Variants in ERAP1 observed in about 807,000 individuals in gnomAD.
ERAP1 encodes endoplasmic reticulum aminopeptidase 1.
Under a neutral mutation model 103.7 loss-of-function variants are expected in ERAP1, and 86 were observed. The ratio of observed to expected loss-of-function variants is 0.83; its 90% CI spans 0.70 to 0.99. The LOEUF is 0.99. Ranked by LOEUF, ERAP1 falls within the 50% of genes least tolerant of loss-of-function variation. The pLI is 0.00. For synonymous variants in ERAP1, 398 were observed against 402.4 expected, an observed-to-expected ratio of 0.99 and a Z score of 0.13; for missense variants, 1,009 against 1,128.4, an observed-to-expected ratio of 0.89 and a Z score of 1.52.
At position 96,781,246 on chromosome 5, in the gene ERAP1, C is replaced by G. The variant is rs757791422; in HGVS notation, c.2448-48G>C. 7 of 1,574,648 alleles carry G rather than the reference C, an allele frequency of 4.4e-6. 1 individual carries two copies. The highest frequency in any genetic ancestry group is 2.2e-5 in the South Asian group (2 of 89,488). ...TGTTAGCAATGAATAGGTGATGAAA[C>G]AGTTATGAATCACTGCAATAAAATT... On this transcript the variant is annotated intron_variant, in intron 16 of 18. Coordinates refer to ENST00000443439, the MANE Select transcript of ERAP1 (RefSeq NM_001040458.3).
chr5:96,767,796 A>C (rs967045391), intron 19 of ERAP1: 3 of 678,242 alleles, frequency 4.4e-6, no homozygotes, highest in African/African-American at 3.7e-5. Context: ...AATGTCAGTC[A>C]GTTTTTTTCT....
chr5:96,892,129 T>C, the ERAP1 span, among the ~76,000 whole-genome samples: 1 of 152,226 alleles, frequency 6.6e-6, no homozygotes, highest in Admixed American at 6.5e-5. Context: ...TGGGCACTGA[T>C]TATTTTCAGC....
At chr5:96,812,507 A>G (rs112966089), upstream of ERAP1, among the ~76,000 whole-genome samples, 513 of 152,356 alleles carry the variant, frequency 3.4e-3, 2 homozygotes, top group Non-Finnish European at 4.6e-3. Flanking sequence ...TGATCTTTGC[A>G]TATGCCTAAA....
upstream of ERAP1, among the ~76,000 whole-genome samples, chr5:96,810,082 C>T (rs1398887299): frequency 2.0e-5 from 3 of 152,178 alleles, no homozygotes; most frequent in Non-Finnish European, 4.4e-5. Context: ...ACCCGCTCCA[C>T]GCCGTTTCCC....
chr5:96,801,724 C>T (rs1436610404), intron 2 of ERAP1, among the ~76,000 whole-genome samples: 12 of 151,030 alleles, frequency 7.9e-5, no homozygotes, highest in African/African-American at 2.7e-4. Context: ...TGGTGGTGCG[C>T]GTCTGTAATC....
the ERAP1 span, among the ~76,000 whole-genome samples, chr5:96,926,131 C>T: frequency 6.6e-6 from 1 of 152,118 alleles, no homozygotes; most frequent in South Asian, 2.1e-4. Context: ...AAAATGGTCT[C>T]AACCTCCTGA....
the ERAP1 span, among the ~76,000 whole-genome samples, chr5:96,927,914 T>C: frequency 6.6e-6 from 1 of 152,116 alleles, no homozygotes; most frequent in South Asian, 2.1e-4. Flanking sequence ...CTTTCTTTCT[T>C]TCTTTCTTTG....
chr5:96,847,656 C>G, the ERAP1 span, among the ~76,000 whole-genome samples: 1 of 152,082 alleles, frequency 6.6e-6, no homozygotes, highest in Non-Finnish European at 1.5e-5. Flanking sequence ...ACTAGAAATC[C>G]ATAGCAGGAG....
the ERAP1 span, among the ~76,000 whole-genome samples, chr5:96,847,189 A>G: frequency 6.7e-6 from 1 of 150,096 alleles, no homozygotes; most frequent in East Asian, 1.9e-4. Flanking sequence ...CGGAAGTTAC[A>G]GTGAGCTGAG....
the ERAP1 span, among the ~76,000 whole-genome samples, chr5:96,905,415 T>C: frequency 6.6e-6 from 1 of 152,244 alleles, no homozygotes; most frequent in Non-Finnish European, 1.5e-5. Context: ...TGAGTCTAAT[T>C]TCTAGTTGTT....
At chr5:96,807,791 G>T in intron 1 of ERAP1, 69 bp downstream of exon 1, 1 of 971,214 alleles carries the variant, frequency 1.0e-6, no homozygotes, top group Non-Finnish European at 1.2e-6. Flanking sequence ...GACGGGCGCA[G>T]GGAAGGGGCG....
At chr5:96,783,716 A>G (rs2150916846) in intron 14 of ERAP1, among the ~76,000 whole-genome samples, 1 of 142,674 alleles carries the variant, frequency 7.0e-6, no homozygotes, top group South Asian at 2.4e-4. Flanking sequence ...GAGTCTAAGA[A>G]TGCCATTCCT....
chr5:96,789,067 A>C (rs917130856), intron 10 of ERAP1, among the ~76,000 whole-genome samples: 1 of 152,226 alleles, frequency 6.6e-6, no homozygotes, highest in Non-Finnish European at 1.5e-5. Flanking sequence ...GCAAGGTGGA[A>C]ACAATGTTCA....
At chr5:96,907,260 A>T in the ERAP1 span, among the ~76,000 whole-genome samples, 1 of 152,178 alleles carries the variant, frequency 6.6e-6, no homozygotes, top group East Asian at 1.9e-4. Context: ...GAGGACTTAG[A>T]TTTTTTAATT....
chr5:96,768,729 T>C (rs972282261), intron 19 of ERAP1, among the ~76,000 whole-genome samples: 1 of 152,210 alleles, frequency 6.6e-6, no homozygotes, highest in Non-Finnish European at 1.5e-5. Flanking sequence ...TGGAGCTTCC[T>C]CCCCTTTTCT....
intron 19 of ERAP1, chr5:96,768,100 TTGTAACAG>T: frequency 1.2e-6 from 1 of 813,410 alleles, no homozygotes; most frequent in Non-Finnish European, 2.1e-6. Context: ...TCGGTCTGTC[TTGTAACAG>T]GGTCTTACTC....
chr5:96,885,153 C>A, the ERAP1 span, among the ~76,000 whole-genome samples: 1 of 152,194 alleles, frequency 6.6e-6, no homozygotes, highest in Admixed American at 6.5e-5. Flanking sequence ...CTGCCACCAG[C>A]CTTCTAGTAG....
chr5:96,931,109 A>C, the ERAP1 span, among the ~76,000 whole-genome samples: 3 of 151,934 alleles, frequency 2.0e-5, no homozygotes, highest in African/African-American at 7.3e-5. Flanking sequence ...TTCCCTACCT[A>C]GGACACTCCA....
At chr5:96,804,499 GTAACCTTTAA>G (rs887974582) in intron 1 of ERAP1, 2 of 168,874 alleles carry the variant, frequency 1.2e-5, no homozygotes, top group Admixed American at 5.5e-5. Context: ...ATATGTAATG[GTAACCTTTAA>G]TAACATCAGT....
Sources: gnomAD v4.1 joint callset for allele counts (sites outside exome capture counted in the v4.1 genomes callset) on GRCh38, gnomAD v4.1.1 for gene constraint, MANE v1.5 for transcripts, NCBI Gene and HGNC (gene_info 2026-07-23, HGNC 2026-07-21) for gene names.